Variants in PCDHGB1 observed in about 807,000 individuals in gnomAD.
PCDHGB1 encodes protocadherin gamma subfamily B, 1.
A neutral mutation model predicts 56.6 loss-of-function variants in PCDHGB1; 34 were observed. The observed-to-expected ratio is 0.60, with a 90% CI of 0.46 to 0.80. PCDHGB1 has a LOEUF of 0.80. Ranked by LOEUF, PCDHGB1 falls within the 30% of genes least tolerant of loss-of-function variation. PCDHGB1 has a pLI of 0.00. For synonymous variants in PCDHGB1, 561 were observed against 505.9 expected, an observed-to-expected ratio of 1.11 and a Z score of -1.46; for missense variants, 1,278 against 1,204.6, an observed-to-expected ratio of 1.06 and a Z score of -0.90.
chr5:141,389,234 C>A, intron 1 of PCDHGB1: 2 of 1,614,076 alleles, frequency 1.2e-6, no homozygotes, highest in Non-Finnish European at 1.7e-6. Context: ...CTCCGGTTTT[C>A]TCACAGTCTT....
rs2099681350 is a variant in PCDHGB1, at chr5:141,489,024, C to T, written c.2410-5783C>T. 1 of 450,378 alleles carries T rather than the reference C, an allele frequency of 2.2e-6. No individual in the cohort carries two copies. The highest frequency in any genetic ancestry group is 3.9e-6 in the Non-Finnish European group (1 of 256,582). 27.9% of individuals were successfully genotyped at this position (450,378 alleles called of 1,614,324 possible). On this transcript the variant is annotated intron_variant, in intron 1 of 3. Coordinates refer to ENST00000523390, the MANE Select transcript of PCDHGB1 (RefSeq NM_018922.3). The surrounding 1 kb of genome is among the most constrained non-coding windows in gnomAD (Gnocchi z 4.5). ...CTGCTCTTCCAGCCCGCCTCTCCTC[C>T]TCCAGCTCCCCAGCTCCACTCAAAT... is the stretch of plus-strand genomic sequence containing the variant.
chr5:141,477,532 C>A lies in PCDHGB1; in HGVS notation c.2410-17275C>A. 6.2e-7 allele frequency: 1 copy of A among 1,614,146 alleles called. No individual in the cohort carries two copies. The highest frequency in any genetic ancestry group is 8.5e-7 in the Non-Finnish European group (1 of 1,180,028). ...TTTACATTGAAGAAAACAACCTCCC[C>A]GGGGCTCCAATACTAAACCTAAGTG... On this transcript the variant is annotated intron_variant, in intron 1 of 3. Coordinates refer to ENST00000523390, the MANE Select transcript of PCDHGB1 (RefSeq NM_018922.3). The surrounding 1 kb of genome is among the most constrained non-coding windows in gnomAD (Gnocchi z 4.9).
Position 141,393,813 on chromosome 5 carries a change from C to T in PCDHGB1, c.2409+41144C>T, listed in dbSNP as rs376904307. On this transcript the variant is annotated intron_variant, in intron 1 of 3. Coordinates refer to ENST00000523390, the MANE Select transcript of PCDHGB1 (RefSeq NM_018922.3). ...GGCACTTCTGGGGAGGACCAAATTGCTCATTTCGGTGGAAGATGTAAATGA... is the reference window on the plus strand; with the variant it reads ...GGCACTTCTGGGGAGGACCAAATTGTTCATTTCGGTGGAAGATGTAAATGA... 4.3e-6 allele frequency: 7 copies of T among 1,613,812 alleles called. 1 individual carries two copies. The East Asian group carries it at 8.9e-5, about 21-fold the overall frequency.
chr5:141,396,439 T>C (rs1191341482), intron 1 of PCDHGB1: 1 of 152,138 alleles, frequency 6.6e-6, no homozygotes, highest in African/African-American at 2.4e-5. Flanking sequence ...GCAAACATGG[T>C]GAAACCCCGT....
intron 1 of PCDHGB1, among the ~76,000 whole-genome samples, chr5:141,473,096 G>A (rs1007912058): frequency 9.9e-5 from 15 of 152,058 alleles, no homozygotes; most frequent in African/African-American, 3.6e-4. Context: ...ACTGTGAGTT[G>A]TATTACCACA....
At chr5:141,398,207 C>T (rs1368284039) in intron 1 of PCDHGB1, 3 of 1,488,636 alleles carry the variant, frequency 2.0e-6, no homozygotes, top group South Asian at 2.6e-5. Flanking sequence ...TTGTTCTGCC[C>T]GGCGCTCTGT....
At chr5:141,418,015 G>T (rs1385008648) in intron 1 of PCDHGB1, 1 of 1,613,964 alleles carries the variant, frequency 6.2e-7, no homozygotes, top group Non-Finnish European at 8.5e-7. Context: ...ACCTCGCTAA[G>T]GATCTAGGGC....
At chr5:141,381,403 A>G (rs1036443196) in intron 1 of PCDHGB1, among the ~76,000 whole-genome samples, 2 of 152,244 alleles carry the variant, frequency 1.3e-5, no homozygotes, top group East Asian at 1.9e-4. Context: ...CTCTATCAAC[A>G]TCAGTGGAGA....
intron 1 of PCDHGB1, chr5:141,422,123 C>A: frequency 6.2e-7 from 1 of 1,601,290 alleles, no homozygotes; most frequent in South Asian, 1.1e-5. Context: ...GATTCACAAA[C>A]TGGAGAAGTT....
intron 2 of PCDHGB1, among the ~76,000 whole-genome samples, chr5:141,496,013 T>C (rs2154591828): frequency 6.6e-6 from 1 of 152,134 alleles, no homozygotes; most frequent in East Asian, 1.9e-4. Flanking sequence ...CTTGTCTTTT[T>C]TCTCTGAGCC....
intron 1 of PCDHGB1, chr5:141,415,199 T>C (rs761532551): frequency 1.7e-5 from 28 of 1,613,880 alleles, no homozygotes; most frequent in Non-Finnish European, 2.4e-5. Flanking sequence ...ATCCCCCAAG[T>C]CCTGGCGGAC....
At chr5:141,401,076 G>T (rs1589429931) in intron 1 of PCDHGB1, among the ~76,000 whole-genome samples, 1 of 152,174 alleles carries the variant, frequency 6.6e-6, no homozygotes, top group Non-Finnish European at 1.5e-5. Context: ...GGGTGCAGTG[G>T]CTCATGCCTG....
At position 141,489,888 on chromosome 5, in the gene PCDHGB1, T is replaced by TG. The variant is rs759744295; in HGVS notation, c.2410-4913dup. On this transcript the variant is annotated intron_variant, in intron 1 of 3. Coordinates refer to ENST00000523390, the MANE Select transcript of PCDHGB1 (RefSeq NM_018922.3). The surrounding 1 kb of genome is among the most constrained non-coding windows in gnomAD (Gnocchi z 4.5). ...ATCAGCTGGTGCTTACTGCTGTGGATGGGGGGACCCCAGCCCGCTCAGGGA... is the reference window on the plus strand; with the variant it reads ...ATCAGCTGGTGCTTACTGCTGTGGATGGGGGGGACCCCAGCCCGCTCAGGGA... 6.4e-5 allele frequency: 103 copies of TG among 1,614,088 alleles called. No individual in the cohort carries two copies. Among genetic ancestry groups the TG allele is most frequent in the Non-Finnish European group, 8.6e-5 (101 of 1,180,048 alleles).
Position 141,424,835 on chromosome 5 carries a change from T to C in PCDHGB1, c.2410-69972T>C, listed in dbSNP as rs999861185. Among the ~76,000 whole-genome samples, 20 of 152,310 alleles carry C rather than the reference T, an allele frequency of 1.3e-4. No individual in the cohort carries two copies. The South Asian group carries it at 3.5e-3, about 27-fold the overall frequency. On this transcript the variant is annotated intron_variant, in intron 1 of 3. Coordinates refer to ENST00000523390, the MANE Select transcript of PCDHGB1 (RefSeq NM_018922.3). ...AAGCTTGATAGTTGCCTGACATACA[T>C]GTTATCTGAAGCAATGTCTAGGAAA... is the stretch of plus-strand genomic sequence containing the variant.
At chr5:141,416,982 T>C (rs191309825) in intron 1 of PCDHGB1, 25 of 152,264 alleles carry the variant, frequency 1.6e-4, no homozygotes, top group African/African-American at 5.5e-4. Context: ...GAGTCAAAAT[T>C]ATTGTGCATT....
At chr5:141,374,748 G>A (rs372161900) in intron 1 of PCDHGB1, 115 of 1,611,770 alleles carry the variant, frequency 7.1e-5, no homozygotes, top group Non-Finnish European at 8.7e-5. Flanking sequence ...GACCCTGTCC[G>A]CTCAAGCGTC....
intron 1 of PCDHGB1, chr5:141,379,293 A>G (rs1451053160): frequency 6.6e-6 from 1 of 152,248 alleles, no homozygotes; most frequent in Non-Finnish European, 1.5e-5. Context: ...CAAGTTTCCA[A>G]AGGTATATAC....
chr5:141,374,747 C>G, intron 1 of PCDHGB1: 1 of 1,612,140 alleles, frequency 6.2e-7, no homozygotes, highest in Non-Finnish European at 8.5e-7. Flanking sequence ...CGACCCTGTC[C>G]GCTCAAGCGT....
intron 1 of PCDHGB1, chr5:141,422,532 A>G (rs752364905): frequency 6.2e-7 from 1 of 1,614,030 alleles, no homozygotes; most frequent in South Asian, 1.1e-5. Flanking sequence ...CTTTGTCTGC[A>G]GAAACTCATG....
Sources: allele counts gnomAD v4.1 joint callset (sites outside exome capture counted in the v4.1 genomes callset), GRCh38; gene constraint gnomAD v4.1.1; non-coding constraint Gnocchi (gnomAD v3.1); transcripts MANE v1.5; gene names NCBI Gene and HGNC (gene_info 2026-07-23, HGNC 2026-07-21).